Variants in CNTNAP2 observed in about 807,000 individuals in gnomAD.
CNTNAP2 encodes contactin associated protein 2, also known as contactin-associated protein-like 2.
Under a neutral mutation model 155.2 loss-of-function variants are expected in CNTNAP2, and 98 were observed. The observed-to-expected ratio is 0.63, with a 90% CI of 0.54 to 0.75. The LOEUF is 0.75. CNTNAP2 is among the 30% of genes least tolerant of loss of function. The pLI, the probability that CNTNAP2 is intolerant of heterozygous loss-of-function variation, is 0.00. For missense variants in CNTNAP2, 1,727 were observed against 1,688.1 expected (o/e 1.02, Z -0.40); for synonymous variants, 651 against 631.2 (o/e 1.03, Z -0.47).
At chr7:146,353,756 CCT>C (rs1257501607) in intron 1 of CNTNAP2, among the ~76,000 whole-genome samples, 4 of 152,078 alleles carry the variant, frequency 2.6e-5, no homozygotes, top group Admixed American at 2.6e-4. Flanking sequence ...GGATTTGCAA[CCT>C]CTTAGATTAC....
At chr7:147,803,868 A>G (rs957263022) in intron 13 of CNTNAP2, among the ~76,000 whole-genome samples, 2 of 152,182 alleles carry the variant, frequency 1.3e-5, no homozygotes, top group African/African-American at 4.8e-5. Flanking sequence ...TCTCTCCACA[A>G]TGGGGAAACG....
chr7:148,041,485 G>A (rs1802674089), intron 15 of CNTNAP2, among the ~76,000 whole-genome samples: 1 of 152,248 alleles, frequency 6.6e-6, no homozygotes, highest in South Asian at 2.1e-4. Context: ...GAGAACCGTG[G>A]CATTTCAACC....
rs181426095 is a variant in CNTNAP2 at position 147,549,317 on chromosome 7, G to A, written c.1778-12821G>A. On this transcript the variant is annotated intron_variant, in intron 11 of 23. Coordinates refer to ENST00000361727, the MANE Select transcript of CNTNAP2 (RefSeq NM_014141.6). ...AGTTCTCCTTGAAGAGGTCCTTCACGTCCCTTGTAAGTTGTATTCCTAGGT... is the reference window on the plus strand; with the variant it reads ...AGTTCTCCTTGAAGAGGTCCTTCACATCCCTTGTAAGTTGTATTCCTAGGT... Among the ~76,000 whole-genome samples the A allele has an allele frequency of 6.3e-3, 962 of 152,018 alleles. 7 individuals are homozygous for A. Among genetic ancestry groups the A allele is most frequent in the Middle Eastern group, 0.014 (4 of 294 alleles).
intron 1 of CNTNAP2, among the ~76,000 whole-genome samples, chr7:146,526,007 C>A (rs1334067301): frequency 1.3e-5 from 2 of 152,084 alleles, no homozygotes; most frequent in East Asian, 3.9e-4. Context: ...AGAGCATATA[C>A]AGACAGTGGA....
At chr7:146,558,266 CA>C (rs1563134357) in intron 1 of CNTNAP2, among the ~76,000 whole-genome samples, 1 of 152,050 alleles carries the variant, frequency 6.6e-6, no homozygotes, top group Admixed American at 6.5e-5. Context: ...GGTATCTTAG[CA>C]AGTCCACATG....
chr7:148,172,482 A>T lies in CNTNAP2; in HGVS notation c.3010+4A>T. The T allele has an allele frequency of 6.2e-7, 1 of 1,613,488 alleles. No individual in the cohort carries two copies. Among genetic ancestry groups the T allele is most frequent in the Non-Finnish European group, 8.5e-7 (1 of 1,179,396 alleles). ...GATGGAACATTTTGCAACAAAGGTA[A>T]GGTGGAACCCATTTCCAGAGCCACT... is the stretch of plus-strand genomic sequence containing the variant. On this transcript the variant is annotated splice_donor_region_variant and intron_variant, in intron 18 of 23. Transcript: ENST00000361727.
chr7:146,362,911 C>T (rs1795103732), intron 1 of CNTNAP2, among the ~76,000 whole-genome samples: 1 of 151,954 alleles, frequency 6.6e-6, no homozygotes, highest in East Asian at 1.9e-4. Flanking sequence ...GCTGGGACTA[C>T]AGGCGTGTGC....
intron 1 of CNTNAP2, among the ~76,000 whole-genome samples, chr7:146,534,009 G>A (rs1224498435): frequency 6.6e-6 from 1 of 151,926 alleles, no homozygotes; most frequent in East Asian, 1.9e-4. Flanking sequence ...AGGAAAATCA[G>A]GCCTAAAACA....
chr7:148,021,835 C>T (rs779238538), intron 15 of CNTNAP2, among the ~76,000 whole-genome samples: 2 of 152,172 alleles, frequency 1.3e-5, no homozygotes, highest in Non-Finnish European at 2.9e-5. Flanking sequence ...AAAGCTGTAC[C>T]GAGTCAGTGG....
chr7:146,674,157 A>G (rs1198806525), intron 1 of CNTNAP2, among the ~76,000 whole-genome samples: 7 of 152,194 alleles, frequency 4.6e-5, no homozygotes, highest in Non-Finnish European at 1.0e-4. Context: ...TAACATGACC[A>G]AGATTCAAAG....
chr7:146,430,444 C>T (rs1191518277), intron 1 of CNTNAP2, among the ~76,000 whole-genome samples: 2 of 151,976 alleles, frequency 1.3e-5, no homozygotes, highest in Non-Finnish European at 2.9e-5. Context: ...CTACCTTTCA[C>T]TTGATAGTCT....
chr7:146,454,794 A>G (rs1796531896), intron 1 of CNTNAP2, among the ~76,000 whole-genome samples: 1 of 152,092 alleles, frequency 6.6e-6, no homozygotes, highest in African/African-American at 2.4e-5. Flanking sequence ...ATAGATAAAA[A>G]TTAATTGTTT....
intron 8 of CNTNAP2, among the ~76,000 whole-genome samples, chr7:147,200,893 A>C (rs1802908218): frequency 6.6e-6 from 1 of 152,236 alleles, no homozygotes; most frequent in African/African-American, 2.4e-5. Context: ...GATGAACTAT[A>C]AAACATAAAG....
chr7:146,661,652 T>C (rs1800090444), intron 1 of CNTNAP2, among the ~76,000 whole-genome samples: 1 of 152,184 alleles, frequency 6.6e-6, no homozygotes, highest in African/African-American at 2.4e-5. Context: ...ATAATTTATG[T>C]ATGTGCCAGA....
chr7:146,831,243 T>C (rs1278191697), intron 2 of CNTNAP2, among the ~76,000 whole-genome samples: 1 of 152,028 alleles, frequency 6.6e-6, no homozygotes, highest in African/African-American at 2.4e-5. Flanking sequence ...GTTTTTAAAA[T>C]TTATGGTTTT....
intron 10 of CNTNAP2, among the ~76,000 whole-genome samples, chr7:147,460,157 T>C (rs909199697): frequency 1.5e-4 from 23 of 151,660 alleles, no homozygotes; most frequent in African/African-American, 5.3e-4. Flanking sequence ...AGAGGAAAAA[T>C]AGGTCTGCGG....
At chr7:146,136,481 G>C (rs868794674) in intron 1 of CNTNAP2, among the ~76,000 whole-genome samples, 8 of 152,132 alleles carry the variant, frequency 5.3e-5, no homozygotes, top group African/African-American at 1.7e-4. Context: ...CGGGAAGTCA[G>C]GACAGAAGAG....
chr7:147,097,670 C>T (rs1029286916), intron 4 of CNTNAP2: 8 of 152,112 alleles, frequency 5.3e-5, no homozygotes, highest in African/African-American at 1.7e-4. Context: ...GAGTACAATT[C>T]AAGATGAGAT....
intron 10 of CNTNAP2, among the ~76,000 whole-genome samples, chr7:147,472,728 A>G (rs1798247384): frequency 6.6e-6 from 1 of 152,168 alleles, no homozygotes; most frequent in African/African-American, 2.4e-5. Flanking sequence ...AAGCTTTGTT[A>G]ATGATTGATG....
Sources: gnomAD v4.1 joint callset for allele counts (sites outside exome capture counted in the v4.1 genomes callset) on GRCh38, gnomAD v4.1.1 for gene constraint, MANE v1.5 for transcripts, NCBI Gene and HGNC (gene_info 2026-07-23, HGNC 2026-07-21) for gene names.